Variants in CPPED1 observed in about 807,000 individuals in gnomAD.
The protein encoded by CPPED1 is serine/threonine-protein phosphatase CPPED1.
A neutral mutation model predicts 28.0 loss-of-function variants in CPPED1; 28 were observed. The observed-to-expected ratio is 1.00, with a 90% CI of 0.74 to 1.37. The LOEUF is 1.37. Among genes scored for constraint, CPPED1 ranks in the 40% most tolerant of loss-of-function variants. The probability of loss-of-function intolerance (pLI) is 0.00; values close to 1 mark genes in which losing one functional copy is unlikely to be tolerated. For synonymous variants in CPPED1, 198 were observed against 180.2 expected (o/e 1.10, Z -0.79); for missense variants, 504 against 416.5 (o/e 1.21, Z -1.83).
intron 3 of CPPED1, among the ~76,000 whole-genome samples, chr16:12,684,518 G>C (rs1447206725): frequency 6.6e-6 from 1 of 152,184 alleles, no homozygotes; most frequent in East Asian, 1.9e-4. Context: ...TGTGGCTCCA[G>C]CCTCTGCCCA....
At chr16:12,667,615 C>A (rs2141164584) in intron 3 of CPPED1, among the ~76,000 whole-genome samples, 1 of 152,086 alleles carries the variant, frequency 6.6e-6, no homozygotes, top group East Asian at 1.9e-4. Flanking sequence ...TAAATGAGAT[C>A]AATTCTAGAC....
At position 12,664,406 on chromosome 16, in the gene CPPED1, C is replaced by G. The variant is rs538928641; in HGVS notation, c.*480G>C. ...CAACAAGGGAGACAGCTGTTCGTTC[C>G]GCTGGAAAGGAAAGGAGATGAACTT... On this transcript the variant is annotated 3_prime_UTR_variant, in exon 4 of 4. Transcript: ENST00000381774. This position sits in a 1 kb window ranked among gnomAD's most constrained non-coding sequence, Gnocchi z 4.2. 2 of 1,007,016 alleles carry G rather than the reference C, an allele frequency of 2.0e-6. No individual in the cohort carries two copies. Among genetic ancestry groups the G allele is most frequent in the Non-Finnish European group, 2.4e-6 (2 of 845,028 alleles). 62.4% of individuals were successfully genotyped at this position (1,007,016 alleles called of 1,614,324 possible).
At chr16:12,721,148 T>G (rs1249211510) in intron 2 of CPPED1, among the ~76,000 whole-genome samples, 1 of 152,150 alleles carries the variant, frequency 6.6e-6, no homozygotes, top group East Asian at 1.9e-4. Flanking sequence ...TTTTTTCAGA[T>G]TAAGGCTCTA....
rs1367936628 is a variant in CPPED1 at position 12,664,955 on chromosome 16, G to C, written c.876C>G (p.Tyr292Ter). 6.2e-7 allele frequency: 1 copy of C among 1,611,418 alleles called. No homozygotes were observed. The highest frequency in any genetic ancestry group is 8.5e-7 in the Non-Finnish European group (1 of 1,179,134). Residue 292 changes from tyrosine (Y) to a stop codon, truncating the protein, a stop_gained, in exon 4 of 4, where the codon TAC becomes TAG. Coordinates refer to ENST00000381774, the MANE Select transcript of CPPED1 (RefSeq NM_018340.3). LOFTEE classifies it high-confidence loss of function. The surrounding 1 kb of genome is among the most constrained non-coding windows in gnomAD (Gnocchi z 4.2). ...TCTCACTCAGCTCATCTAGACTGTA[G>C]TATCGGTGAACAATTTTCTCGGCGG... ...VVTAEKIVHR[Y>*]YSLDELSEKG...
intron 1 of CPPED1, among the ~76,000 whole-genome samples, chr16:12,792,829 G>T (rs577572108): frequency 6.6e-6 from 1 of 152,204 alleles, no homozygotes; most frequent in East Asian, 1.9e-4. Flanking sequence ...TGATTGTGAG[G>T]CCTCCCCAGC....
At chr16:12,710,617 T>C (rs552061703) in intron 2 of CPPED1, among the ~76,000 whole-genome samples, 3 of 152,162 alleles carry the variant, frequency 2.0e-5, no homozygotes, top group Non-Finnish European at 4.4e-5. Context: ...TATCAGAGTA[T>C]ATGGAGAACT....
At chr16:12,732,469 CACACAA>C (rs1490820774) in intron 2 of CPPED1, among the ~76,000 whole-genome samples, 4 of 122,378 alleles carry the variant, frequency 3.3e-5, no homozygotes, top group Non-Finnish European at 6.9e-5. Context: ...CACACACAAA[CACACAA>C]ACACACACAC....
intron 3 of CPPED1, among the ~76,000 whole-genome samples, chr16:12,693,882 A>T (rs1371695807): frequency 3.9e-5 from 6 of 152,192 alleles, no homozygotes; most frequent in African/African-American, 1.4e-4. Flanking sequence ...TCCTTTTTGA[A>T]ATGTTGTGAT....
At chr16:12,764,176 G>C (rs1255444971) in intron 2 of CPPED1, among the ~76,000 whole-genome samples, 1 of 150,212 alleles carries the variant, frequency 6.7e-6, no homozygotes, top group Non-Finnish European at 1.5e-5. Flanking sequence ...GTTTTTTCTG[G>C]ATACCTTTTG....
At chr16:12,713,079 A>T (rs1371488749) in intron 2 of CPPED1, among the ~76,000 whole-genome samples, 1 of 150,116 alleles carries the variant, frequency 6.7e-6, no homozygotes, top group Non-Finnish European at 1.5e-5. Flanking sequence ...AGAGAGTACC[A>T]GAAAGGTATT....
intron 2 of CPPED1, among the ~76,000 whole-genome samples, chr16:12,734,416 G>C (rs945378771): frequency 6.6e-6 from 1 of 150,956 alleles, no homozygotes; most frequent in African/African-American, 2.4e-5. Context: ...TCTCGCTCTT[G>C]TCGCCCAGGC....
intron 2 of CPPED1, among the ~76,000 whole-genome samples, chr16:12,739,499 T>G (rs546118546): frequency 1.3e-5 from 2 of 152,182 alleles, no homozygotes; most frequent in African/African-American, 2.4e-5. Flanking sequence ...GAGAATCACT[T>G]GAACCTGGGA....
intron 2 of CPPED1, among the ~76,000 whole-genome samples, chr16:12,772,903 G>C (rs1341836758): frequency 6.6e-6 from 1 of 152,188 alleles, no homozygotes; most frequent in Non-Finnish European, 1.5e-5. Context: ...TGGGACTCGG[G>C]CAGTGCCCTG....
At chr16:12,674,393 C>A (rs752524517) in intron 3 of CPPED1, among the ~76,000 whole-genome samples, 1 of 152,146 alleles carries the variant, frequency 6.6e-6, no homozygotes, top group South Asian at 2.1e-4. Flanking sequence ...GGAAACACTT[C>A]TTGGGTTGGA....
chr16:12,667,971 C>T (rs2079834281), intron 3 of CPPED1, among the ~76,000 whole-genome samples: 1 of 151,990 alleles, frequency 6.6e-6, no homozygotes, highest in African/African-American at 2.4e-5. Flanking sequence ...AGAGAAAAAC[C>T]ATAGAAAGAA....
chr16:12,704,713 A>G lies in CPPED1; in HGVS notation c.626T>C (p.Phe209Ser). The G allele has an allele frequency of 6.2e-7, 1 of 1,614,184 alleles. No homozygotes were observed. Among genetic ancestry groups the G allele is most frequent in the Middle Eastern group, 1.6e-4 (1 of 6,062 alleles). Reference protein sequence around the residue: ...HAIVFQHIPLFLESIDEDDDY... With the variant: ...HAIVFQHIPLSLESIDEDDDY... Reference sequence around the variant, plus strand: ...GTCGTCCTCGTCGATGCTCTCCAGGAACAGCGGGATGTGCTGGAAGACGAT... The same window carrying G: ...GTCGTCCTCGTCGATGCTCTCCAGGGACAGCGGGATGTGCTGGAAGACGAT... The change falls in exon 3 of 4, where the codon TTC (phenylalanine) becomes TCC (serine). Residue 209 changes from phenylalanine (F) to serine (S), a missense_variant. Coordinates refer to ENST00000381774, the MANE Select transcript of CPPED1 (RefSeq NM_018340.3).
chr16:12,759,076 T>C (rs907779309), intron 2 of CPPED1, among the ~76,000 whole-genome samples: 1 of 140,436 alleles, frequency 7.1e-6, no homozygotes, highest in Non-Finnish European at 1.5e-5. Context: ...GGTAGCAGGA[T>C]CACTTGAGCC....
At chr16:12,684,826 T>G (rs2079924295) in intron 3 of CPPED1, among the ~76,000 whole-genome samples, 1 of 152,084 alleles carries the variant, frequency 6.6e-6, no homozygotes, top group African/African-American at 2.4e-5. Context: ...GATAAATGAA[T>G]GAATGGAGAG....
In CPPED1 at chr16:12,682,006, T is replaced by C. The variant is rs912296615; in HGVS notation, c.716-16891A>G. On this transcript the variant is annotated intron_variant, in intron 3 of 3. Coordinates refer to ENST00000381774, the MANE Select transcript of CPPED1 (RefSeq NM_018340.3). This position sits in a 1 kb window ranked among gnomAD's most constrained non-coding sequence, Gnocchi z 6.1. The stretch of plus-strand genomic sequence containing the variant: ...TCCCTATCCTGGACTCGAGGATTAG[T>C]TATGCTCCTCCAACCCCCAGACTCA... Among the ~76,000 whole-genome samples the C allele has an allele frequency of 6.6e-6, 1 of 152,052 alleles. No homozygotes were observed. The highest frequency in any genetic ancestry group is 6.6e-5 in the Admixed American group (1 of 15,254).
Sources: allele counts gnomAD v4.1 joint callset (sites outside exome capture counted in the v4.1 genomes callset), GRCh38; gene constraint gnomAD v4.1.1; non-coding constraint Gnocchi (gnomAD v3.1); transcripts MANE v1.5; gene names NCBI Gene and HGNC (gene_info 2026-07-23, HGNC 2026-07-21).